The following OR6B3 variants were observed in gnomAD, a reference collection of about 807,000 sequenced individuals.
OR6B3 encodes the protein olfactory receptor 6B3.
For missense variants in OR6B3, 315 were observed against 427.4 expected, an observed-to-expected ratio of 0.74 and a Z score of 2.32; for synonymous variants, 148 against 187.8, an observed-to-expected ratio of 0.79 and a Z score of 1.73.
chr2:240,049,319 T>G (rs1298027805), upstream of OR6B3, among the ~76,000 whole-genome samples: 2 of 152,158 alleles, frequency 1.3e-5, no homozygotes, highest in Non-Finnish European at 2.9e-5. Context: ...ATCTGTTGAG[T>G]TAGCTTTAGT....
chr2:240,047,597 G>A (rs1286274090), upstream of OR6B3, among the ~76,000 whole-genome samples: 1 of 152,134 alleles, frequency 6.6e-6, no homozygotes, highest in Non-Finnish European at 1.5e-5. Flanking sequence ...CTTTTTCTGT[G>A]TTTTGAATTT....
chr2:240,049,813 T>G (rs1239101984), upstream of OR6B3, among the ~76,000 whole-genome samples: 1 of 152,212 alleles, frequency 6.6e-6, no homozygotes, highest in Non-Finnish European at 1.5e-5. Context: ...ATTATCTAAT[T>G]GTTTTTCCAA....
chr2:240,048,141 G>A (rs559888505), upstream of OR6B3, among the ~76,000 whole-genome samples: 2 of 152,264 alleles, frequency 1.3e-5, no homozygotes, highest in South Asian at 2.1e-4. Flanking sequence ...TGCAGTATTC[G>A]TTCCATAAAT....
upstream of OR6B3, among the ~76,000 whole-genome samples, chr2:240,049,476 T>C (rs569782959): frequency 3.2e-4 from 48 of 152,320 alleles, no homozygotes; most frequent in African/African-American, 1.2e-3. Flanking sequence ...CTGGTCTGAA[T>C]GTAGGAGTTT....
At chr2:240,048,574 C>G (rs561241718), upstream of OR6B3, among the ~76,000 whole-genome samples, 1 of 152,084 alleles carries the variant, frequency 6.6e-6, no homozygotes, top group Non-Finnish European at 1.5e-5. Context: ...GGAGCTATGC[C>G]TCTCTCACTA....
chr2:240,047,252 T>G (rs746795976), upstream of OR6B3, among the ~76,000 whole-genome samples: 1 of 152,128 alleles, frequency 6.6e-6, no homozygotes, highest in African/African-American at 2.4e-5. Context: ...AAGCAAATAT[T>G]TAAATTAATA....
At chr2:240,045,280 T>C in exon 2 of OR6B3, 3 of 1,614,240 alleles carry the variant, frequency 1.9e-6, no homozygotes, top group Non-Finnish European at 2.5e-6. Context: ...CGGGAATCAA[T>C]GGCCTGGGGC....
chr2:240,045,488 T>G, exon 2 of OR6B3: 1 of 1,614,022 alleles, frequency 6.2e-7, no homozygotes, highest in Non-Finnish European at 8.5e-7. Context: ...CCACCAGCTC[T>G]GCAGTGGAGA....
Position 240,045,232 on chromosome 2 carries a change from T to C in OR6B3, c.841A>G (p.Ile281Val), listed in dbSNP as rs370731656. 1.9e-5 allele frequency: 30 copies of C among 1,614,176 alleles called. 1 individual carries two copies. The Middle Eastern group carries it at 1.2e-3, about 62-fold the overall frequency. Residue 281 changes from isoleucine (I) to valine (V), a missense_variant, in exon 2 of 2, where the codon ATC becomes GTC. Ile to Val is a conservative substitution (Grantham distance 29). Coordinates refer to ENST00000641019, the Ensembl canonical transcript of OR6B3. Reference sequence around the variant, plus strand: ...ATCAAGGGGTTCAAGATGGGGGTGATAACTGTGTACAAAACAGAGATGAGC... The same window carrying C: ...ATCAAGGGGTTCAAGATGGGGGTGACAACTGTGTACAAAACAGAGATGAGC...
upstream of OR6B3, among the ~76,000 whole-genome samples, chr2:240,048,253 T>C (rs186357220): frequency 1.8e-3 from 269 of 152,300 alleles, no homozygotes; most frequent in African/African-American, 5.8e-3. Context: ...ACCACAGTAG[T>C]ATACGTCGTA....
downstream of OR6B3, among the ~76,000 whole-genome samples, chr2:240,044,856 T>C (rs1698157222): frequency 6.6e-6 from 1 of 152,224 alleles, no homozygotes; most frequent in African/African-American, 2.4e-5. Flanking sequence ...CTTTCTGAAA[T>C]GTGCATGGTA....
chr2:240,047,809 G>A (rs1305942125), upstream of OR6B3, among the ~76,000 whole-genome samples: 1 of 152,204 alleles, frequency 6.6e-6, no homozygotes, highest in Non-Finnish European at 1.5e-5. Context: ...GTATTGTGCA[G>A]TGTATCGTGT....
upstream of OR6B3, among the ~76,000 whole-genome samples, chr2:240,049,159 G>C (rs559493430): frequency 6.6e-6 from 1 of 152,230 alleles, no homozygotes. Flanking sequence ...TGGCTGGGCC[G>C]CTTGGTGGCT....
chr2:240,046,625 C>T (rs1259252627), intron 1 of OR6B3, among the ~76,000 whole-genome samples: 1 of 152,186 alleles, frequency 6.6e-6, no homozygotes, highest in East Asian at 1.9e-4. Flanking sequence ...GACTCAGGCA[C>T]ATCCACAGCA....
chr2:240,052,752 T>G, the OR6B3 span, among the ~76,000 whole-genome samples: 1 of 152,248 alleles, frequency 6.6e-6, no homozygotes, highest in African/African-American at 2.4e-5. The surrounding 1 kb of genome is among the most constrained non-coding windows in gnomAD (Gnocchi z 4.5). Flanking sequence ...ACGCATAGCC[T>G]GCTCGTTGAT....
chr2:240,050,670 C>T (rs1698245210), upstream of OR6B3, among the ~76,000 whole-genome samples: 1 of 144,118 alleles, frequency 6.9e-6, no homozygotes, highest in Non-Finnish European at 1.5e-5. Context: ...GCGGAGATGG[C>T]ATCACTGCAC....
chr2:240,045,260 G>C, exon 2 of OR6B3: 3 of 1,614,196 alleles, frequency 1.9e-6, no homozygotes, highest in Non-Finnish European at 2.5e-6. Context: ...AGATGAGCTT[G>C]TTGGAGCTCC....
upstream of OR6B3, among the ~76,000 whole-genome samples, chr2:240,050,455 C>T (rs1294411903): frequency 1.3e-5 from 2 of 152,202 alleles, no homozygotes; most frequent in Admixed American, 1.3e-4. Context: ...TGGCTCATGC[C>T]TGTAATCCCA....
upstream of OR6B3, among the ~76,000 whole-genome samples, chr2:240,051,735 C>A (rs1027162644): frequency 6.6e-6 from 1 of 152,172 alleles, no homozygotes; most frequent in Admixed American, 6.5e-5. Flanking sequence ...AAAGAGACTT[C>A]GAGGTTAGCA....
Sources: allele counts gnomAD v4.1 joint callset (sites outside exome capture counted in the v4.1 genomes callset), GRCh38; gene constraint gnomAD v4.1.1; non-coding constraint Gnocchi (gnomAD v3.1); transcripts MANE v1.5; gene names NCBI Gene and HGNC (gene_info 2026-07-23, HGNC 2026-07-21).